ASPSCR1: variants seen among roughly 807,000 people sequenced by gnomAD.
ASPSCR1 encodes the protein tether containing UBX domain for GLUT4.
Under a neutral mutation model 68.9 loss-of-function variants are expected in ASPSCR1, and 55 were observed. The observed-to-expected ratio is 0.80, with a 90% CI of 0.64 to 1.00. ASPSCR1 has a LOEUF of 1.00. ASPSCR1 is among the 50% of genes least tolerant of loss of function. The pLI is 0.00. For synonymous variants in ASPSCR1, 352 were observed against 332.6 expected, an observed-to-expected ratio of 1.06 and a Z score of -0.63; for missense variants, 765 against 762.2, an observed-to-expected ratio of 1.00 and a Z score of -0.04.
chr17:82,011,967 G>A, intron 11 of ASPSCR1: 1 of 620,450 alleles, frequency 1.6e-6, no homozygotes, highest in Non-Finnish European at 2.9e-6. Context: ...AGGGTGTCTA[G>A]GTGGCAAAGG....
At chr17:82,016,315 CTGGT>C in intron 12 of ASPSCR1, 157 bp from the exon 13 acceptor site, 1 of 652,890 alleles carries the variant, frequency 1.5e-6, no homozygotes. Context: ...AGGGGTAGGG[CTGGT>C]GTCAGACAGG....
chr17:82,003,981 G>A (rs1016704672), intron 7 of ASPSCR1, among the ~76,000 whole-genome samples: 32 of 152,260 alleles, frequency 2.1e-4, no homozygotes, highest in African/African-American at 7.2e-4. Context: ...GGGCCGAGAC[G>A]GTGGGAGGGA....
At chr17:82,004,658 T>C (rs1222057676) in intron 7 of ASPSCR1, 1 of 151,914 alleles carries the variant, frequency 6.6e-6, no homozygotes, top group Non-Finnish European at 1.5e-5. Flanking sequence ...TTTGAGCTTC[T>C]GGGGAGCTCA....
chr17:82,002,497 C>T (rs375823500), intron 7 of ASPSCR1, among the ~76,000 whole-genome samples: 1 of 150,740 alleles, frequency 6.6e-6, no homozygotes, highest in Non-Finnish European at 1.5e-5. Flanking sequence ...TCAGGTGATC[C>T]ACTTGCATCG....
At chr17:82,010,197 CA>C in intron 9 of ASPSCR1, 1 of 234,496 alleles carries the variant, frequency 4.3e-6, no homozygotes, top group Admixed American at 5.8e-5. Flanking sequence ...TCTGGGATTA[CA>C]GGCTTGAGCC....
chr17:81,983,505 G>T lies in ASPSCR1; in HGVS notation c.159-49G>T. ...GGGATGGCGGGGCGTGGATGGCAGG[G>T]CGTGTCAGGCTCTGCAGGGCAGCAA... On this transcript the variant is annotated intron_variant, in intron 2 of 15. Transcript: ENST00000306739. The surrounding 1 kb of genome is among the most constrained non-coding windows in gnomAD (Gnocchi z 4.4). The T allele has an allele frequency of 1.0e-5, 15 of 1,468,578 alleles. No individual in the cohort carries two copies. Among genetic ancestry groups the T allele is most frequent in the Non-Finnish European group, 1.4e-5 (15 of 1,063,326 alleles). 91.0% of individuals were successfully genotyped at this position (1,468,578 alleles called of 1,614,324 possible). A position where few individuals can be genotyped will look rare whatever the true frequency, so the allele number is the denominator to read the frequency against.
chr17:82,016,396 GC>G, intron 12 of ASPSCR1, 79 bp from the exon 13 acceptor site: 1 of 1,320,364 alleles, frequency 7.6e-7, no homozygotes, highest in Non-Finnish European at 1.0e-6. Flanking sequence ...CTGGGGCCTG[GC>G]CCTGGGGGTG....
intron 2 of ASPSCR1, among the ~76,000 whole-genome samples, chr17:81,981,721 G>A (rs1053589564): frequency 6.6e-6 from 1 of 151,866 alleles, no homozygotes; most frequent in Non-Finnish European, 1.5e-5. Context: ...TAGGCTGGAG[G>A]GCAGTGGCAT....
At chr17:82,008,855 C>T in intron 7 of ASPSCR1, 182 bp from the exon 8 acceptor site, 1 of 809,246 alleles carries the variant, frequency 1.2e-6, no homozygotes. Context: ...GGTGGGGTCC[C>T]CCAGCTGCTG....
In ASPSCR1 at chr17:81,990,460, C is replaced by T. The variant is rs1045511956; in HGVS notation, c.375-4361C>T. ...CCACGCCGAGCTCTGGGGGACACTGCTCTCCGCCTGCCTGGTGGGCCTGTG... is the reference window on the plus strand; with the variant it reads ...CCACGCCGAGCTCTGGGGGACACTGTTCTCCGCCTGCCTGGTGGGCCTGTG... On this transcript the variant is annotated intron_variant, in intron 4 of 15. Transcript: ENST00000306739. This position sits in a 1 kb window ranked among gnomAD's most constrained non-coding sequence, Gnocchi z 4.1. 4.6e-5 allele frequency among the ~76,000 whole-genome samples: 7 copies of T among 152,218 alleles called. No homozygotes were observed. The highest frequency in any genetic ancestry group is 5.9e-5 in the Non-Finnish European group (4 of 68,048).
intron 2 of ASPSCR1, among the ~76,000 whole-genome samples, chr17:81,981,347 G>T (rs1338443623): frequency 1.4e-5 from 2 of 145,322 alleles, no homozygotes; most frequent in Non-Finnish European, 2.9e-5. Flanking sequence ...CAGTTGGTTG[G>T]GGGGGGCTTA....
intron 7 of ASPSCR1, chr17:82,007,208 T>C (rs1276558209): frequency 6.6e-6 from 1 of 152,044 alleles, no homozygotes; most frequent in Non-Finnish European, 1.5e-5. Flanking sequence ...GAAGGGCGGG[T>C]GTGGGAGGTT....
At chr17:81,979,309 C>A in intron 2 of ASPSCR1, 70 bp downstream of exon 2, 1 of 1,542,102 alleles carries the variant, frequency 6.5e-7, no homozygotes, top group Non-Finnish European at 9.0e-7. Flanking sequence ...CATACTGGCT[C>A]TCACTTGGAA....
chr17:81,980,046 G>C (rs1309731116), intron 2 of ASPSCR1, among the ~76,000 whole-genome samples: 2 of 152,108 alleles, frequency 1.3e-5, no homozygotes, highest in Admixed American at 6.5e-5. Flanking sequence ...GCAGTGGCAC[G>C]GTCTTGGCTC....
chr17:81,994,381 G>A (rs1450388768), intron 4 of ASPSCR1, among the ~76,000 whole-genome samples: 1 of 152,214 alleles, frequency 6.6e-6, no homozygotes, highest in Admixed American at 6.5e-5. Context: ...GGAGACAGGG[G>A]CACCTCCTCT....
In ASPSCR1 at chr17:81,979,170, C is replaced by T; in HGVS notation, c.103-14C>T. 1 of 1,613,996 alleles carries T rather than the reference C, an allele frequency of 6.2e-7. No individual in the cohort carries two copies. Among genetic ancestry groups the T allele is most frequent in the Non-Finnish European group, 8.5e-7 (1 of 1,179,904 alleles). Reference sequence around the variant, plus strand: ...CACACTCAGCAGTTCACCATCCTTTCATCTCACCCCCAGGTTCTGGAGGAC... The same window carrying T: ...CACACTCAGCAGTTCACCATCCTTTTATCTCACCCCCAGGTTCTGGAGGAC... On this transcript the variant is annotated splice_polypyrimidine_tract_variant and intron_variant, in intron 1 of 15. Transcript: ENST00000306739.
At chr17:81,981,800 C>G (rs2143992183) in intron 2 of ASPSCR1, among the ~76,000 whole-genome samples, 1 of 151,940 alleles carries the variant, frequency 6.6e-6, no homozygotes, top group East Asian at 1.9e-4. Context: ...TCTTGAGTAG[C>G]TGGAATTACA....
chr17:81,988,518 G>A (rs557016677), intron 4 of ASPSCR1, among the ~76,000 whole-genome samples: 2 of 152,232 alleles, frequency 1.3e-5, no homozygotes, highest in South Asian at 4.1e-4. Context: ...GACAGCAGGA[G>A]GTGGTGGGGC....
In ASPSCR1 at chr17:81,992,685, C is replaced by T. The variant is rs543329022; in HGVS notation, c.375-2136C>T. 1.2e-3 allele frequency among the ~76,000 whole-genome samples: 182 copies of T among 152,346 alleles called. 1 individual carries two copies. Among genetic ancestry groups the T allele is most frequent in the African/African-American group, 4.1e-3 (171 of 41,576 alleles). On this transcript the variant is annotated intron_variant, in intron 4 of 15. Coordinates refer to ENST00000306739, the MANE Select transcript of ASPSCR1 (RefSeq NM_024083.4). ...CTTGAGGCCTCTCTCTGCCTCTGTC[C>T]GGGTTCTGCTCCGGCGCATTTTGAG...
Sources: allele counts gnomAD v4.1 joint callset (sites outside exome capture counted in the v4.1 genomes callset), GRCh38; gene constraint gnomAD v4.1.1; non-coding constraint Gnocchi (gnomAD v3.1); transcripts MANE v1.5; gene names NCBI Gene and HGNC (gene_info 2026-07-23, HGNC 2026-07-21).